Variants in ABCA13 observed in about 807,000 individuals in gnomAD.
ABCA13 encodes ATP binding cassette subfamily A member 13.
In ABCA13, 476 loss-of-function variants were observed where a neutral mutation model predicts 478.7. The observed-to-expected ratio is 0.99, with a 90% CI of 0.92 to 1.07. The LOEUF (loss-of-function observed/expected upper bound fraction) is 1.07. Among genes scored for constraint, ABCA13 ranks in the 50% least tolerant of loss-of-function variants. The pLI, the probability that ABCA13 is intolerant of heterozygous loss-of-function variation, is 0.00. For synonymous variants in ABCA13, 2,252 were observed against 2,158.9 expected (o/e 1.04, Z -1.20); for missense variants, 6,060 against 5,910.6 (o/e 1.03, Z -0.83).
chr7:48,515,894 A>G (rs1832069782), intron 51 of ABCA13, among the ~76,000 whole-genome samples: 1 of 152,126 alleles, frequency 6.6e-6, no homozygotes, highest in African/African-American at 2.4e-5. Flanking sequence ...CAGAGCAGAG[A>G]AGCTCCTTTT....
intron 58 of ABCA13, 107 bp downstream of exon 58, chr7:48,594,920 C>A: frequency 1.1e-6 from 1 of 875,370 alleles, no homozygotes. Flanking sequence ...ATTTCTTAAT[C>A]TTTACAACAC....
intron 37 of ABCA13, among the ~76,000 whole-genome samples, chr7:48,389,446 A>AG (rs1815708876): frequency 6.6e-6 from 1 of 152,134 alleles, no homozygotes; most frequent in South Asian, 2.1e-4. Flanking sequence ...GCTCAGTCAA[A>AG]GGGGTAGTGG....
intron 55 of ABCA13, among the ~76,000 whole-genome samples, chr7:48,530,394 G>T (rs1233145884): frequency 2.0e-5 from 3 of 151,848 alleles, no homozygotes; most frequent in Non-Finnish European, 4.4e-5. Context: ...CTTGTTGATT[G>T]ATGGGCATTT....
intron 48 of ABCA13, among the ~76,000 whole-genome samples, chr7:48,497,282 C>T (rs902556080): frequency 2.6e-5 from 4 of 151,862 alleles, no homozygotes; most frequent in Non-Finnish European, 5.9e-5. Flanking sequence ...AATTTTCATT[C>T]ATTTTTTAAT....
chr7:48,639,625 G>A (rs760131541), intron 59 of ABCA13, among the ~76,000 whole-genome samples: 8 of 152,186 alleles, frequency 5.3e-5, no homozygotes, highest in Non-Finnish European at 8.8e-5. Context: ...AATAGCACAT[G>A]TATGGGGTTG....
intron 16 of ABCA13, among the ~76,000 whole-genome samples, 158 bp downstream of exon 16, chr7:48,269,252 A>C (rs1033583735): frequency 2.6e-5 from 4 of 152,198 alleles, no homozygotes; most frequent in African/African-American, 9.6e-5. Flanking sequence ...TTCCTTTAAT[A>C]GAGTGTGTGA....
intron 57 of ABCA13, among the ~76,000 whole-genome samples, chr7:48,594,017 C>A (rs1199453103): frequency 6.6e-6 from 1 of 151,796 alleles, no homozygotes; most frequent in Non-Finnish European, 1.5e-5. Flanking sequence ...TATTGCGTAT[C>A]TCAGTGAATA....
intron 59 of ABCA13, among the ~76,000 whole-genome samples, chr7:48,635,062 G>T (rs963099105): frequency 1.3e-5 from 2 of 151,858 alleles, no homozygotes; most frequent in Non-Finnish European, 2.9e-5. Flanking sequence ...CACTGGGAGG[G>T]CTCCTTCCAG....
At chr7:48,514,958 A>C (rs977812726) in intron 51 of ABCA13, among the ~76,000 whole-genome samples, 1 of 152,166 alleles carries the variant, frequency 6.6e-6, no homozygotes, top group Non-Finnish European at 1.5e-5. Flanking sequence ...ATATGATTTT[A>C]TATATCATAT....
rs1309782991 is a variant in ABCA13 at position 48,467,028 on chromosome 7, A to G, written c.12888A>G (p.Ala4296=). Residue 4296 remains alanine, a synonymous_variant, in exon 44 of 62, where the codon GCA becomes GCG. Coordinates refer to ENST00000435803, the MANE Select transcript of ABCA13 (RefSeq NM_152701.5). The part of the protein sequence containing the change: ...RKFRDQDLPC[A]DLNPRQKNSS... The stretch of plus-strand genomic sequence containing the variant: ...TTAGAGATCAAGATTTGCCCTGTGC[A>G]GATTTAAACCCACGCCAGTAAGTGT... The G allele has an allele frequency of 6.2e-7, 1 of 1,614,030 alleles. No homozygotes were observed.
intron 61 of ABCA13, 74 bp from the exon 62 acceptor site, chr7:48,645,343 T>C: frequency 8.3e-7 from 1 of 1,199,826 alleles, no homozygotes; most frequent in South Asian, 1.4e-5. Context: ...TCTGAGACAA[T>C]GTCTCCTTTC....
At chr7:48,383,745 A>G (rs917282588) in intron 35 of ABCA13, among the ~76,000 whole-genome samples, 1 of 152,206 alleles carries the variant, frequency 6.6e-6, no homozygotes, top group Non-Finnish European at 1.5e-5. Context: ...GTTATCTCCA[A>G]TATCACCAAC....
chr7:48,291,995 G>A (rs1282903548), intron 20 of ABCA13, among the ~76,000 whole-genome samples: 1 of 152,084 alleles, frequency 6.6e-6, no homozygotes, highest in African/African-American at 2.4e-5. Flanking sequence ...GCTGTCTCCA[G>A]ACCCTTTCTG....
chr7:48,174,465 C>A (rs1794573967), intron 1 of ABCA13, among the ~76,000 whole-genome samples: 1 of 151,880 alleles, frequency 6.6e-6, no homozygotes, highest in Admixed American at 6.6e-5. Flanking sequence ...CAAAAAACAT[C>A]TTATTATAGA....
In ABCA13 at chr7:48,466,885, T is replaced by G. The variant is rs964807186; in HGVS notation, c.12816-71T>G. 4.1e-6 allele frequency: 6 copies of G among 1,446,688 alleles called. No individual in the cohort carries two copies. The African/African-American group carries it at 8.4e-5, about 20-fold the overall frequency. The allele number at this position is 1,446,688 out of a possible 1,614,324, so 89.6% of individuals were successfully genotyped here. A position where few individuals can be genotyped will look rare whatever the true frequency, so the allele number is the denominator to read the frequency against. Reference sequence around the variant, plus strand: ...TAGGGCACAATGTGAGGTCAGCAGCTGGTTCTCCATTCTCTGTTGGGAGCC... The same window carrying G: ...TAGGGCACAATGTGAGGTCAGCAGCGGGTTCTCCATTCTCTGTTGGGAGCC... On this transcript the variant is annotated intron_variant, in intron 43 of 61. Coordinates refer to ENST00000435803, the MANE Select transcript of ABCA13 (RefSeq NM_152701.5).
chr7:48,643,489 G>C, intron 60 of ABCA13, 96 bp downstream of exon 60: 2 of 1,078,384 alleles, frequency 1.9e-6, no homozygotes, highest in South Asian at 1.4e-5. Flanking sequence ...GCTGTTATAA[G>C]ATACTACTTG....
intron 41 of ABCA13, among the ~76,000 whole-genome samples, chr7:48,425,048 A>G (rs56945649): frequency 0.28 from 41,811 of 152,040 alleles, 5,903 homozygotes; most frequent in East Asian, 0.37. Context: ...TTTCAGACAC[A>G]TTGTACCCAG....
intron 45 of ABCA13, among the ~76,000 whole-genome samples, chr7:48,472,217 AT>A (rs1827577631): frequency 6.6e-6 from 1 of 152,210 alleles, no homozygotes; most frequent in Non-Finnish European, 1.5e-5. Flanking sequence ...GACAGGTCTA[AT>A]TTATAGGAAA....
chr7:48,453,039 T>C (rs67312973), intron 42 of ABCA13, among the ~76,000 whole-genome samples: 26,700 of 152,126 alleles, frequency 0.18, 2,624 homozygotes, highest in African/African-American at 0.25. Flanking sequence ...AGATATAAAA[T>C]TTAGTTTAAT....
Sources: allele counts gnomAD v4.1 joint callset (sites outside exome capture counted in the v4.1 genomes callset), GRCh38; gene constraint gnomAD v4.1.1; transcripts MANE v1.5; gene names NCBI Gene and HGNC (gene_info 2026-07-23, HGNC 2026-07-21).